Variants in CSMD1 observed in about 807,000 individuals in gnomAD.
CSMD1 encodes the protein CUB and Sushi multiple domains 1.
A neutral mutation model predicts 417.5 loss-of-function variants in CSMD1; 213 were observed. The ratio of observed to expected loss-of-function variants is 0.51; its 90% CI spans 0.46 to 0.57. The LOEUF is 0.57. CSMD1 is among the 20% of genes least tolerant of loss of function. The pLI, the probability that CSMD1 is intolerant of heterozygous loss-of-function variation, is 0.00. For synonymous variants in CSMD1, 2,862 were observed against 1,736.8 expected, an observed-to-expected ratio of 1.65 and a Z score of -16.11; for missense variants, 6,923 against 4,529.7, an observed-to-expected ratio of 1.53 and a Z score of -15.17.
chr8:3,652,563 C>A (rs1370742485), intron 7 of CSMD1, among the ~76,000 whole-genome samples: 1 of 152,138 alleles, frequency 6.6e-6, no homozygotes, highest in Non-Finnish European at 1.5e-5. Flanking sequence ...TGGCAGAATG[C>A]AAAGGAGAAG....
chr8:4,452,286 C>G (rs932658164), intron 2 of CSMD1, among the ~76,000 whole-genome samples: 1 of 152,154 alleles, frequency 6.6e-6, no homozygotes, highest in Non-Finnish European at 1.5e-5. Flanking sequence ...GATGACTTGT[C>G]TTAACAACTA....
intron 1 of CSMD1, among the ~76,000 whole-genome samples, chr8:4,725,708 A>C (rs11136763): frequency 0.53 from 80,402 of 151,992 alleles, 24,079 homozygotes; most frequent in East Asian, 0.8. Context: ...GAAAATCCCC[A>C]TTTATCTCAG....
intron 9 of CSMD1, among the ~76,000 whole-genome samples, chr8:3,582,085 G>A (rs1046607277): frequency 3.3e-5 from 5 of 152,110 alleles, no homozygotes; most frequent in Non-Finnish European, 4.4e-5. Context: ...GTGAGCCACC[G>A]CGCTGGCCAA....
At chr8:4,259,632 C>G (rs977015360) in intron 3 of CSMD1, among the ~76,000 whole-genome samples, 32 of 151,924 alleles carry the variant, frequency 2.1e-4, no homozygotes, top group African/African-American at 7.7e-4. Context: ...AGTCGGAGTC[C>G]TTACCCAAAA....
At chr8:4,361,397 G>T (rs1328409513) in intron 3 of CSMD1, among the ~76,000 whole-genome samples, 1 of 150,758 alleles carries the variant, frequency 6.6e-6, no homozygotes, top group African/African-American at 2.5e-5. Flanking sequence ...AGGGCTAACT[G>T]TGTCTCAGGC....
At chr8:4,671,588 C>A (rs888325651) in intron 1 of CSMD1, among the ~76,000 whole-genome samples, 58 of 152,328 alleles carry the variant, frequency 3.8e-4, no homozygotes, top group Admixed American at 3.3e-4. Context: ...TGAATAGTCT[C>A]AAACAACGTT....
chr8:4,550,360 C>T (rs900557617), intron 2 of CSMD1, among the ~76,000 whole-genome samples: 1 of 146,546 alleles, frequency 6.8e-6, no homozygotes, highest in Non-Finnish European at 1.5e-5. Flanking sequence ...CACACACACA[C>T]AAACCCGGTC....
At chr8:3,924,480 C>A (rs1809499123) in intron 5 of CSMD1, among the ~76,000 whole-genome samples, 1 of 152,128 alleles carries the variant, frequency 6.6e-6, no homozygotes, top group Admixed American at 6.6e-5. Context: ...TCTTCTGAGA[C>A]TTCTATGATA....
intron 69 of CSMD1, 130 bp downstream of exon 69, chr8:2,942,342 T>TA (rs879881569): frequency 0.032 from 22,104 of 695,504 alleles, 3 homozygotes; most frequent in Non-Finnish European, 0.034. Context: ...AAAGTTGATT[T>TA]AAAAAAAAAA....
At chr8:3,374,665 C>T (rs774895007) in intron 18 of CSMD1, among the ~76,000 whole-genome samples, 9 of 152,272 alleles carry the variant, frequency 5.9e-5, no homozygotes, top group Middle Eastern at 6.8e-3. Context: ...GGAGGAAATG[C>T]AGAAGATCAG....
chr8:2,952,055 T>C (rs1011358776), intron 65 of CSMD1, among the ~76,000 whole-genome samples: 2 of 152,158 alleles, frequency 1.3e-5, no homozygotes, highest in Non-Finnish European at 2.9e-5. Flanking sequence ...AAAAATAAAC[T>C]TATTTTTCAT....
chr8:4,638,174 G>A (rs909995827), intron 1 of CSMD1, among the ~76,000 whole-genome samples: 6 of 152,064 alleles, frequency 3.9e-5, no homozygotes, highest in Non-Finnish European at 2.9e-5. Flanking sequence ...GTTCATGGGG[G>A]AACAAATTTG....
chr8:3,909,296 G>A (rs907289504), intron 5 of CSMD1, among the ~76,000 whole-genome samples: 14 of 152,130 alleles, frequency 9.2e-5, no homozygotes, highest in African/African-American at 3.4e-4. Flanking sequence ...ATTGAAGTCT[G>A]TAACTTTTAC....
chr8:3,384,210 A>G (rs915444095), intron 18 of CSMD1, among the ~76,000 whole-genome samples: 2 of 152,164 alleles, frequency 1.3e-5, no homozygotes, highest in Non-Finnish European at 2.9e-5. Flanking sequence ...ATCTTTAAAA[A>G]ATGGTTGTCT....
chr8:3,844,330 A>G (rs1319084086), intron 5 of CSMD1, among the ~76,000 whole-genome samples: 1 of 152,154 alleles, frequency 6.6e-6, no homozygotes, highest in Non-Finnish European at 1.5e-5. Flanking sequence ...TTTCAAGTCA[A>G]TGACAATACT....
chr8:3,845,322 C>T (rs34950531), intron 5 of CSMD1, among the ~76,000 whole-genome samples: 46,174 of 152,044 alleles, frequency 0.3, 7,158 homozygotes, highest in Non-Finnish European at 0.34. Flanking sequence ...CTACCACACA[C>T]TGAGGCTCTA....
At chr8:3,956,959 G>A (rs184380976) in intron 5 of CSMD1, among the ~76,000 whole-genome samples, 7 of 152,074 alleles carry the variant, frequency 4.6e-5, no homozygotes. Flanking sequence ...TTTTCTATAC[G>A]GAAAGGTTGG....
At chr8:4,083,529 T>C (rs990145427) in intron 3 of CSMD1, among the ~76,000 whole-genome samples, 1 of 152,026 alleles carries the variant, frequency 6.6e-6, no homozygotes, top group Admixed American at 6.6e-5. Context: ...CCTGCAGAAA[T>C]AATGCCGCAT....
At chr8:3,360,060 G>A (rs545347535) in intron 20 of CSMD1, among the ~76,000 whole-genome samples, 24 of 152,124 alleles carry the variant, frequency 1.6e-4, no homozygotes, top group Non-Finnish European at 2.1e-4. Context: ...AAAAGCAAAG[G>A]CACAGGGCTA....
Sources: allele counts gnomAD v4.1 joint callset (sites outside exome capture counted in the v4.1 genomes callset), GRCh38; gene constraint gnomAD v4.1.1; transcripts MANE v1.5; gene names NCBI Gene and HGNC (gene_info 2026-07-23, HGNC 2026-07-21).